The following POLR3G variants were observed in gnomAD, a reference collection of about 807,000 sequenced individuals.
The protein encoded by POLR3G is RNA polymerase III subunit G, also known as DNA-directed RNA polymerase III subunit RPC7.
POLR3G carries 28 observed loss-of-function variants against 30.1 expected under a neutral mutation model. The observed-to-expected ratio is 0.93, with a 90% CI of 0.69 to 1.27. POLR3G has a LOEUF of 1.27. Ranked by LOEUF, POLR3G falls within the 50% of genes most tolerant of loss-of-function variation. The pLI, the probability that POLR3G is intolerant of heterozygous loss-of-function variation, is 0.00. For missense variants in POLR3G, 254 were observed against 264.6 expected, an observed-to-expected ratio of 0.96 and a Z score of 0.28; for synonymous variants, 79 against 82.5, an observed-to-expected ratio of 0.96 and a Z score of 0.23.
intron 3 of POLR3G, among the ~76,000 whole-genome samples, chr5:90,489,410 C>T (rs148485993): frequency 2.4e-3 from 367 of 151,930 alleles, no homozygotes; most frequent in African/African-American, 8.4e-3. Context: ...GAATTGCAGA[C>T]GCACAGCACC....
At chr5:90,508,587 C>T (rs1488845669) in intron 7 of POLR3G, among the ~76,000 whole-genome samples, 1 of 151,984 alleles carries the variant, frequency 6.6e-6, no homozygotes, top group Non-Finnish European at 1.5e-5. Context: ...CCTCCCCCTC[C>T]CCCACCATTA....
chr5:90,500,010 T>A (rs1331838473), intron 5 of POLR3G, among the ~76,000 whole-genome samples: 2 of 152,192 alleles, frequency 1.3e-5, no homozygotes, highest in African/African-American at 4.8e-5. Context: ...AAAAATGTGT[T>A]CATTTTGGAA....
chr5:90,476,601 T>C (rs1240488764), intron 1 of POLR3G, among the ~76,000 whole-genome samples: 1 of 152,172 alleles, frequency 6.6e-6, no homozygotes, highest in Non-Finnish European at 1.5e-5. Flanking sequence ...TGGAGTGATA[T>C]CTCTACCAGG....
chr5:90,487,047 T>C (rs534052938), intron 2 of POLR3G, among the ~76,000 whole-genome samples: 1 of 152,364 alleles, frequency 6.6e-6, no homozygotes, highest in African/African-American at 2.4e-5. Context: ...TGTAAATATA[T>C]ACACACATAC....
chr5:90,486,201 T>C (rs1751432203), intron 2 of POLR3G, among the ~76,000 whole-genome samples: 1 of 152,232 alleles, frequency 6.6e-6, no homozygotes, highest in South Asian at 2.1e-4. Flanking sequence ...ATGTTTTCGC[T>C]TTATGTTTAG....
intron 4 of POLR3G, 62 bp downstream of exon 4, chr5:90,495,795 T>G: frequency 1.3e-6 from 2 of 1,499,544 alleles, no homozygotes; most frequent in Non-Finnish European, 8.8e-7. Flanking sequence ...ACCTCATGTT[T>G]TTTTTTTAGA....
chr5:90,508,867 G>A (rs1170465436), intron 7 of POLR3G, among the ~76,000 whole-genome samples: 5 of 152,128 alleles, frequency 3.3e-5, no homozygotes, highest in Non-Finnish European at 5.9e-5. Flanking sequence ...TTCAAGACAA[G>A]CCTTGCCAAC....
intron 6 of POLR3G, among the ~76,000 whole-genome samples, chr5:90,503,294 G>T (rs906649192): frequency 6.6e-6 from 1 of 152,190 alleles, no homozygotes; most frequent in Admixed American, 6.5e-5. Context: ...ACAGCTATTT[G>T]GTAGTGGAAA....
chr5:90,506,475 A>G, intron 6 of POLR3G, 53 bp from the exon 7 acceptor site: 1 of 1,570,026 alleles, frequency 6.4e-7, no homozygotes, highest in East Asian at 2.3e-5. Flanking sequence ...CTAAGCAGGG[A>G]AGTCAGCAGT....
chr5:90,487,994 A>T lies in POLR3G; in HGVS notation c.118-6A>T. The T allele has an allele frequency of 6.4e-7, 1 of 1,559,054 alleles. No homozygotes were observed. Among genetic ancestry groups the T allele is most frequent in the East Asian group, 2.3e-5 (1 of 43,506 alleles). On this transcript the variant is annotated splice_polypyrimidine_tract_variant and splice_region_variant and intron_variant, in intron 2 of 7. Coordinates refer to ENST00000651687, the MANE Select transcript of POLR3G (RefSeq NM_006467.3). ...GAAAAAAATCTTTGTCTCTTAATTT[A>T]AACAGGATACAGATTATAAACCAGT... is the stretch of plus-strand genomic sequence containing the variant.
At position 90,495,703 on chromosome 5, in the gene POLR3G, A is replaced by G. The variant is rs773878464; in HGVS notation, c.274A>G (p.Met92Val). 10 of 1,599,408 alleles carry G rather than the reference A, an allele frequency of 6.3e-6. No individual in the cohort carries two copies. Among genetic ancestry groups the G allele is most frequent in the South Asian group, 1.1e-5 (1 of 87,474 alleles). ...TATTGAAAGGTATAGTAAAAGATACATGAAGGTATACAAGGAAGAATGGAT... is the reference window on the plus strand; with the variant it reads ...TATTGAAAGGTATAGTAAAAGATACGTGAAGGTATACAAGGAAGAATGGAT... ...QDIERYSKRY[M>V]KVYKEEWIPD... The change falls in exon 4 of 8, where the codon ATG (methionine) becomes GTG (valine). Residue 92 changes from methionine (M) to valine (V), a missense_variant. By Grantham distance (21) the Met-to-Val change is conservative (BLOSUM62 1). Transcript: ENST00000651687.
chr5:90,489,254 C>A (rs938376750), intron 3 of POLR3G, among the ~76,000 whole-genome samples: 2 of 148,816 alleles, frequency 1.3e-5, no homozygotes, highest in Non-Finnish European at 1.5e-5. Context: ...CTCAAAAATA[C>A]TTAATTTTTT....
Position 90,485,718 on chromosome 5 carries a change from G to GT in POLR3G, c.117+40dup. On this transcript the variant is annotated intron_variant, in intron 2 of 7. Transcript: ENST00000651687. ...ATGAACAGTTGAATTCTCATAGTGT[G>GT]TTTTTTCATTTTTCAGAGAATATTA... 5 of 1,466,256 alleles carry GT rather than the reference G, an allele frequency of 3.4e-6. No individual in the cohort carries two copies. The South Asian group carries it at 3.6e-5, about 10-fold the overall frequency. 90.8% of individuals were successfully genotyped at this position (1,466,256 alleles called of 1,614,324 possible).
intron 1 of POLR3G, among the ~76,000 whole-genome samples, chr5:90,475,468 C>A (rs1750752080): frequency 3.4e-5 from 3 of 89,352 alleles, no homozygotes; most frequent in Non-Finnish European, 6.4e-5. Context: ...CTATATCCAC[C>A]CTTTTTTTAA....
intron 4 of POLR3G, among the ~76,000 whole-genome samples, chr5:90,496,766 C>A (rs1331255802): frequency 6.6e-6 from 1 of 152,176 alleles, no homozygotes. Flanking sequence ...GCATTAACAG[C>A]CTTATCATTT....
At chr5:90,487,378 A>AT (rs59951999) in intron 2 of POLR3G, among the ~76,000 whole-genome samples, 12,808 of 57,048 alleles carry the variant, frequency 0.22, 4,134 homozygotes, top group Middle Eastern at 0.39. Flanking sequence ...TGGTACATTA[A>AT]TTTTTTTTTT....
chr5:90,483,532 C>T (rs1020360744), intron 1 of POLR3G, among the ~76,000 whole-genome samples: 6 of 152,092 alleles, frequency 3.9e-5, no homozygotes, highest in African/African-American at 7.2e-5. Context: ...TGGCCGGGCA[C>T]GGTGGCTCAT....
At position 90,475,033 on chromosome 5, in the gene POLR3G, G is replaced by T. The variant is rs1017454716; in HGVS notation, c.-44+13G>T. The T allele has an allele frequency of 1.3e-5, 2 of 152,400 alleles. No individual in the cohort carries two copies. Among genetic ancestry groups the T allele is most frequent in the South Asian group, 2.1e-4 (1 of 4,834 alleles). 9.4% of individuals were successfully genotyped at this position (152,400 alleles called of 1,614,324 possible). On this transcript the variant is annotated intron_variant, in intron 1 of 7. Coordinates refer to ENST00000651687, the MANE Select transcript of POLR3G (RefSeq NM_006467.3). ...ACTTAGGGAGCAGGTAACCGAGGAA[G>T]CAATCGAAGACTTGGGAGGGGTGGT...
chr5:90,488,861 C>G (rs1005102825), intron 3 of POLR3G, among the ~76,000 whole-genome samples: 6 of 152,156 alleles, frequency 3.9e-5, no homozygotes, highest in Non-Finnish European at 8.8e-5. Context: ...GCTCAACAGT[C>G]TCAGGCTAGA....
Sources: gnomAD v4.1 joint callset for allele counts (sites outside exome capture counted in the v4.1 genomes callset) on GRCh38, gnomAD v4.1.1 for gene constraint, MANE v1.5 for transcripts, NCBI Gene and HGNC (gene_info 2026-07-23, HGNC 2026-07-21) for gene names.